RPL26: variants seen among roughly 807,000 people sequenced by gnomAD.
The protein encoded by RPL26 is large ribosomal subunit protein uL24.
In RPL26, 1 loss-of-function variant was observed where a neutral mutation model predicts 16.2. The ratio of observed to expected loss-of-function variants is 0.06; its 90% CI spans 0.02 to 0.29. RPL26 has a LOEUF of 0.29. RPL26 is among the 10% of genes least tolerant of loss of function. The probability of loss-of-function intolerance (pLI) is 1.00; values close to 1 mark genes in which losing one functional copy is unlikely to be tolerated. For synonymous variants in RPL26, 55 were observed against 62.4 expected (o/e 0.88, Z 0.56); for missense variants, 102 against 184.3 (o/e 0.55, Z 2.58).
chr17:8,377,684 G>A lies in RPL26; in HGVS notation c.318C>T (p.Ile106=). 1 of 1,604,720 alleles carries A rather than the reference G, an allele frequency of 6.2e-7. No homozygotes were observed. The highest frequency in any genetic ancestry group is 1.3e-5 in the African/African-American group (1 of 74,556). Residue 106 remains isoleucine (I), a synonymous_variant, in exon 4 of 4, where the codon ATC becomes ATT. Transcript: ENST00000648839. ...GGTCTTTGTCCAGTTTTAGCCTAGT[G>A]ATAACCACCTGCAGAAAAATAAGAA... ...HVGIHPSKVV[I]TRLKLDKDRK...
At chr17:8,379,635 T>C in intron 3 of RPL26, 161 bp downstream of exon 3, 3 of 641,340 alleles carry the variant, frequency 4.7e-6, no homozygotes, top group Non-Finnish European at 8.2e-6. Context: ...TTTTAAATGG[T>C]ATTAGAATTT....
chr17:8,379,688 C>T, intron 3 of RPL26, 108 bp downstream of exon 3: 1 of 1,035,964 alleles, frequency 9.7e-7, no homozygotes, highest in Admixed American at 2.4e-5. Flanking sequence ...TGTTTTTTTC[C>T]AGCACATGTA....
rs965152310 is a variant in RPL26, at chr17:8,381,956, C to T, written c.168+187G>A. ...CAAAAAAAAAAAAAAAAAAGATTTTCACCAAATAATACAATTAAAAACTGA... is the reference window on the plus strand; with the variant it reads ...CAAAAAAAAAAAAAAAAAAGATTTTTACCAAATAATACAATTAAAAACTGA... On this transcript the variant is annotated intron_variant, in intron 2 of 3. Transcript: ENST00000648839. 7.4e-5 allele frequency: 35 copies of T among 471,684 alleles called. 1 individual carries two copies. Among genetic ancestry groups the T allele is most frequent in the Admixed American group, 5.4e-4 (13 of 23,924 alleles). The allele number at this position is 471,684 out of a possible 1,614,324, so 29.2% of individuals were successfully genotyped here.
chr17:8,379,981 AC>A, intron 2 of RPL26, 45 bp from the exon 3 acceptor site: 1 of 1,533,582 alleles, frequency 6.5e-7, no homozygotes, highest in Non-Finnish European at 9.0e-7. Flanking sequence ...TAAAAGATTA[AC>A]CTTGTAAATC....
intron 3 of RPL26, 144 bp downstream of exon 3, chr17:8,379,651 AC>A (rs1907322690): frequency 1.5e-6 from 1 of 689,492 alleles, no homozygotes. Context: ...AATTTTCAAT[AC>A]AAGTGCAGTA....
Position 8,380,168 on chromosome 17 carries a change from G to C in RPL26, c.169-232C>G, listed in dbSNP as rs365897. The C allele has an allele frequency of 0.23, 101,680 of 449,678 alleles. 11,938 individuals carry two copies. Among genetic ancestry groups the C allele is most frequent in the Non-Finnish European group, 0.26 (65,544 of 254,848 alleles). 27.9% of individuals were successfully genotyped at this position (449,678 alleles called of 1,614,324 possible). A position where few individuals can be genotyped will look rare whatever the true frequency, so the allele number is the denominator to read the frequency against. On this transcript the variant is annotated intron_variant, in intron 2 of 3. Transcript: ENST00000648839. ...TGAACCCATTAATGTGTGCAACCTA[G>C]TGCTAGTCAGAGGGCAGCAACAAAT...
chr17:8,382,615 T>C (rs1247771392), intron 1 of RPL26: 1 of 361,002 alleles, frequency 2.8e-6, no homozygotes, highest in Admixed American at 4.6e-5. Context: ...AAGTAGTGCC[T>C]GAGGAAATCA....
At chr17:8,379,636 A>G (rs1907321640) in intron 3 of RPL26, 160 bp downstream of exon 3, 4 of 647,860 alleles carry the variant, frequency 6.2e-6, no homozygotes, top group Non-Finnish European at 8.1e-6. Flanking sequence ...TTTAAATGGT[A>G]TTAGAATTTT....
At chr17:8,382,360 C>G in intron 1 of RPL26, 45 bp from the exon 2 acceptor site, 1 of 1,376,304 alleles carries the variant, frequency 7.3e-7, no homozygotes, top group Non-Finnish European at 1.0e-6. Context: ...AAAATCTCAT[C>G]CAGCTTCCAA....
At chr17:8,379,560 C>G in intron 3 of RPL26, 1 of 572,958 alleles carries the variant, frequency 1.7e-6, no homozygotes, top group Non-Finnish European at 3.1e-6. Flanking sequence ...GGTGAAAGAG[C>G]AAGACTGTCT....
At chr17:8,380,168 G>GC in intron 2 of RPL26, 1 of 450,446 alleles carries the variant, frequency 2.2e-6, no homozygotes, top group African/African-American at 2.0e-5. Context: ...GTGCAACCTA[G>GC]TGCTAGTCAG....
In RPL26 at chr17:8,379,776, G is replaced by A. The variant is rs1222078118; in HGVS notation, c.309+20C>T. 2 of 1,608,636 alleles carry A rather than the reference G, an allele frequency of 1.2e-6. No homozygotes were observed. The highest frequency in any genetic ancestry group is 1.7e-6 in the Non-Finnish European group (2 of 1,177,248). The stretch of plus-strand genomic sequence containing the variant: ...AATTGCCATAATTTCCTTCTCTCAA[G>A]CATTCTCAAAAACACCTACCTTGCT... On this transcript the variant is annotated intron_variant, in intron 3 of 3. Transcript: ENST00000648839.
In RPL26 at chr17:8,382,275, G is replaced by A; in HGVS notation, c.36C>T (p.Ser12=). ...CATTGAAATGCCTTTTGCGATTCTT[G>A]CTTCGGTCGGAAGTCACAAAGGGAT... ...KFNPFVTSDR[S]KNRKRHFNAP... is the part of the protein sequence containing the mutation. The change falls in exon 2 of 4, where the codon AGC becomes AGT. Residue 12 remains serine, a synonymous_variant. Transcript: ENST00000648839. 1 of 1,613,788 alleles carries A rather than the reference G, an allele frequency of 6.2e-7. No homozygotes were observed. Among genetic ancestry groups the A allele is most frequent in the South Asian group, 1.1e-5 (1 of 91,044 alleles).
intron 2 of RPL26, 59 bp from the exon 3 acceptor site, chr17:8,379,995 G>A (rs924009191): frequency 4.1e-6 from 6 of 1,451,678 alleles, no homozygotes; most frequent in Non-Finnish European, 5.7e-6. Flanking sequence ...TGTAAATCAA[G>A]TAAACAAACT....
chr17:8,379,704 A>G, intron 3 of RPL26, 92 bp downstream of exon 3: 1 of 1,194,086 alleles, frequency 8.4e-7, no homozygotes, highest in Non-Finnish European at 1.2e-6. Context: ...ATGTAAAATC[A>G]AGGACTATTT....
At position 8,379,076 on chromosome 17, in the gene RPL26, C is replaced by A. The variant is rs553080404; in HGVS notation, c.309+720G>T. ...AAGCCCTAATTTTGCCTCAGTAGGC[C>A]TGGGCTCTTAGAATTTATAATTCTA... On this transcript the variant is annotated intron_variant, in intron 3 of 3. Coordinates refer to ENST00000648839, the MANE Select transcript of RPL26 (RefSeq NM_000987.5). 5 of 152,270 alleles carry A rather than the reference C, an allele frequency of 3.3e-5. No homozygotes were observed. The South Asian group carries it at 1.0e-3, about 32-fold the overall frequency. The allele number at this position is 152,270 out of a possible 1,614,324, so 9.4% of individuals were successfully genotyped here.
At chr17:8,382,855 A>C in intron 1 of RPL26, 2 of 393,552 alleles carry the variant, frequency 5.1e-6, no homozygotes, top group African/African-American at 4.1e-5. Flanking sequence ...TTCCGTGAAG[A>C]CTTTACCGAG....
chr17:8,380,943 G>A (rs1951636897), intron 2 of RPL26: 1 of 152,184 alleles, frequency 6.6e-6, no homozygotes. Context: ...CAAATTAGCT[G>A]CAAGACTAGA....
intron 2 of RPL26, chr17:8,381,714 C>T (rs1429695487): frequency 1.6e-5 from 3 of 192,228 alleles, no homozygotes; most frequent in Admixed American, 6.3e-5. Flanking sequence ...GATCACCTGA[C>T]GCCATGAGTT....
Sources: gnomAD v4.1 joint callset for allele counts on GRCh38, gnomAD v4.1.1 for gene constraint, MANE v1.5 for transcripts, NCBI Gene and HGNC (gene_info 2026-07-23, HGNC 2026-07-21) for gene names.